UROC1: variants seen among roughly 807,000 people sequenced by gnomAD.
The protein encoded by UROC1 is urocanate hydratase.
In UROC1, 79 loss-of-function variants were observed where a neutral mutation model predicts 89.5. That is an observed-to-expected ratio of 0.88 (90% confidence interval 0.74 to 1.06). The LOEUF is 1.06. Ranked by LOEUF, UROC1 falls within the 50% of genes least tolerant of loss-of-function variation. The pLI, the probability that UROC1 is intolerant of heterozygous loss-of-function variation, is 0.00. For missense variants in UROC1, 885 were observed against 907.8 expected (o/e 0.97, Z 0.32); for synonymous variants, 361 against 354.8 (o/e 1.02, Z -0.20).
Position 126,504,022 on chromosome 3 carries a change from C to G in UROC1, c.875G>C (p.Ser292Thr). 6.2e-7 allele frequency: 1 copy of G among 1,614,156 alleles called. No individual in the cohort carries two copies. The highest frequency in any genetic ancestry group is 1.3e-5 in the African/African-American group (1 of 75,052). Residue 292 changes from serine (S) to threonine (T), a missense_variant, in exon 9 of 20, where the codon AGC becomes ACC. By Grantham distance (58) the Ser-to-Thr change is moderately conservative. Coordinates refer to ENST00000290868, the MANE Select transcript of UROC1 (RefSeq NM_144639.3). ...GAGCCTCTGGATGCAGCGGTCCAAG[C>G]TGTCAGTCACTTCCATCAGCCAGCC... ...RQGWLMEVTD[S>T]LDRCIQRLRE...
intron 9 of UROC1, among the ~76,000 whole-genome samples, chr3:126,503,668 G>T (rs1487878427): frequency 6.6e-6 from 1 of 152,246 alleles, no homozygotes; most frequent in Non-Finnish European, 1.5e-5. Flanking sequence ...TAAGAGCATG[G>T]GAGCCCCAAG....
In UROC1 at chr3:126,499,425, G is replaced by A. The variant is rs764338567; in HGVS notation, c.1244-16C>T. 37 of 1,607,156 alleles carry A rather than the reference G, an allele frequency of 2.3e-5. No individual in the cohort carries two copies. In the African/African-American group the frequency reaches 2.4e-4, roughly 10 times the overall value. On this transcript the variant is annotated splice_polypyrimidine_tract_variant and intron_variant, in intron 12 of 19. Coordinates refer to ENST00000290868, the MANE Select transcript of UROC1 (RefSeq NM_144639.3). Reference sequence around the variant, plus strand: ...ACATCCGCTCCTGTGGGCAGAGCCCGGACAGTCACCACCCAAGGCAGGACA... The same window carrying A: ...ACATCCGCTCCTGTGGGCAGAGCCCAGACAGTCACCACCCAAGGCAGGACA...
intron 15 of UROC1, among the ~76,000 whole-genome samples, chr3:126,494,218 C>T (rs1161826875): frequency 1.3e-5 from 2 of 152,184 alleles, no homozygotes. Flanking sequence ...GAGAAAGCAA[C>T]AGTAAGTATC....
intron 6 of UROC1, among the ~76,000 whole-genome samples, chr3:126,506,572 C>G (rs1038343331): frequency 6.6e-6 from 1 of 152,206 alleles, no homozygotes; most frequent in Admixed American, 6.5e-5. Flanking sequence ...TACATGAGAT[C>G]TGCTTCCTGA....
At chr3:126,491,586 G>C (rs1190049844) in intron 16 of UROC1, among the ~76,000 whole-genome samples, 1 of 152,218 alleles carries the variant, frequency 6.6e-6, no homozygotes. Context: ...AATCATGCCA[G>C]GGCAGTCTTC....
At chr3:126,500,992 C>T (rs562711549) in intron 10 of UROC1, 118 bp from the exon 11 acceptor site, 13 of 1,426,232 alleles carry the variant, frequency 9.1e-6, no homozygotes, top group Middle Eastern at 2.4e-4. Flanking sequence ...AGGCACAGCC[C>T]GAGCCAGACC....
intron 9 of UROC1, among the ~76,000 whole-genome samples, chr3:126,502,279 G>A (rs891523633): frequency 2.4e-5 from 3 of 125,688 alleles, no homozygotes; most frequent in African/African-American, 5.8e-5. Context: ...GTGTGTTTAT[G>A]TGTTTGTGTG....
At position 126,500,264 on chromosome 3, in the gene UROC1, C is replaced by T. The variant is rs866639700; in HGVS notation, c.1146-110G>A. 9.4e-5 allele frequency: 100 copies of T among 1,062,068 alleles called. No homozygotes were observed. In the African/African-American group the frequency reaches 1.2e-3, roughly 13 times the overall value. 65.8% of individuals were successfully genotyped at this position (1,062,068 alleles called of 1,614,324 possible). A position where few individuals can be genotyped will look rare whatever the true frequency, so the allele number is the denominator to read the frequency against. On this transcript the variant is annotated intron_variant, in intron 11 of 19. Transcript: ENST00000290868. ...CCCCACCAACTTCCAGCCCCACTGC[C>T]TGGACTGCTCCTGCTCCTCGGGTCG...
In UROC1 at chr3:126,505,079, G is replaced by A. The variant is rs149102553; in HGVS notation, c.813+622C>T. Among the ~76,000 whole-genome samples the A allele has an allele frequency of 4.3e-3, 653 of 152,224 alleles. 5 individuals are homozygous for A. Among genetic ancestry groups the A allele is most frequent in the Non-Finnish European group, 5.7e-3 (386 of 68,018 alleles). On this transcript the variant is annotated intron_variant, in intron 8 of 19. Transcript: ENST00000290868. ...CCCTGCTCTCCCTCTCTCACCGTGTGACCCACCAGACCCCCTTCACCTTCC... is the reference window on the plus strand; with the variant it reads ...CCCTGCTCTCCCTCTCTCACCGTGTAACCCACCAGACCCCCTTCACCTTCC...
chr3:126,514,308 G>C (rs1304850409), intron 1 of UROC1, among the ~76,000 whole-genome samples: 1 of 152,240 alleles, frequency 6.6e-6, no homozygotes, highest in Non-Finnish European at 1.5e-5. Context: ...TTGGATGCCT[G>C]GCACAGGCGC....
At position 126,481,925 on chromosome 3, in the gene UROC1, A is replaced by G; in HGVS notation, c.*420T>C. 1 of 252,566 alleles carries G rather than the reference A, an allele frequency of 4.0e-6. No homozygotes were observed. Among genetic ancestry groups the G allele is most frequent in the South Asian group, 4.9e-5 (1 of 20,340 alleles). The allele number at this position is 252,566 out of a possible 1,614,324, so 15.6% of individuals were successfully genotyped here. ...CTCCAGGCCAGCAGCCCAGGGTGCC[A>G]GGGTCCAGAAGTTGCTTGCACAGAC... On this transcript the variant is annotated 3_prime_UTR_variant, in exon 20 of 20. Transcript: ENST00000290868.
chr3:126,507,909 G>A lies in UROC1; in HGVS notation c.540+58C>T, dbSNP rs577256568. The A allele has an allele frequency of 7.5e-5, 121 of 1,613,120 alleles. 1 individual carries two copies. Among genetic ancestry groups the A allele is most frequent in the Admixed American group, 4.3e-4 (26 of 59,988 alleles). On this transcript the variant is annotated intron_variant, in intron 5 of 19. Transcript: ENST00000290868. ...TGGGGCACTGGGCTTTCTTTCCAGC[G>A]TCTGCACCCTCTCTTTGGAGCCCTG...
chr3:126,500,637 A>C, intron 11 of UROC1, 58 bp downstream of exon 11: 1 of 1,608,222 alleles, frequency 6.2e-7, no homozygotes, highest in Admixed American at 1.7e-5. Context: ...TGGCCAGAGC[A>C]GGACAAGGTG....
chr3:126,507,750 C>T lies in UROC1; in HGVS notation c.594G>A (p.Gly198=), dbSNP rs756587775. The T allele has an allele frequency of 3.1e-6, 5 of 1,614,146 alleles. No homozygotes were observed. In the East Asian group the frequency reaches 1.1e-4, roughly 36 times the overall value. The change falls in exon 6 of 20, where the codon GGG becomes GGA. Residue 198 remains glycine (G), a synonymous_variant. Coordinates refer to ENST00000290868, the MANE Select transcript of UROC1 (RefSeq NM_144639.3). ...CTGAAATAGTGACTTACATTGTAAC[C>T]CCCAAGGCAAAGAGCTTCTCATACT... The part of the protein sequence containing the change: ...RTEYEKLFAL[G]VTMYGQMTAG...
At chr3:126,489,144 G>A (rs1935586026) in intron 17 of UROC1, 132 bp downstream of exon 17, 2 of 841,926 alleles carry the variant, frequency 2.4e-6, no homozygotes, top group Admixed American at 1.8e-5. Context: ...CCTCAGTCCT[G>A]GGTTGGTCAC....
intron 10 of UROC1, 55 bp from the exon 11 acceptor site, chr3:126,500,929 C>T: frequency 6.2e-7 from 1 of 1,602,866 alleles, no homozygotes; most frequent in South Asian, 1.1e-5. Context: ...GGCCCAGAGT[C>T]TGGGGCCAGC....
chr3:126,500,561 G>T, intron 11 of UROC1, 134 bp downstream of exon 11: 2 of 1,069,378 alleles, frequency 1.9e-6, no homozygotes, highest in Non-Finnish European at 2.9e-6. Flanking sequence ...ATGGGTGGAG[G>T]CAGAGGCTCA....
In UROC1 at chr3:126,482,107, T is replaced by C. The variant is rs1935401888; in HGVS notation, c.*238A>G. On this transcript the variant is annotated 3_prime_UTR_variant, in exon 20 of 20. Transcript: ENST00000290868. Reference sequence around the variant, plus strand: ...TGGCCCTAAATGGACTTTGACAGCCTTCAGGGCTCCCATGCAAGTGGCATG... The same window carrying C: ...TGGCCCTAAATGGACTTTGACAGCCCTCAGGGCTCCCATGCAAGTGGCATG... 3.3e-6 allele frequency: 2 copies of C among 606,922 alleles called. No homozygotes were observed. The highest frequency in any genetic ancestry group is 4.0e-5 in the South Asian group (2 of 49,896). 37.6% of individuals were successfully genotyped at this position (606,922 alleles called of 1,614,324 possible).
At position 126,490,777 on chromosome 3, in the gene UROC1, C is replaced by T. The variant is rs547754376; in HGVS notation, c.1609-1402G>A. On this transcript the variant is annotated intron_variant, in intron 16 of 19. Coordinates refer to ENST00000290868, the MANE Select transcript of UROC1 (RefSeq NM_144639.3). ...AAAGAGAAGGAGTAGGGGGAGCCGT[C>T]GGACACTGCACAGGGAGCATGTCAG... 5.3e-5 allele frequency among the ~76,000 whole-genome samples: 8 copies of T among 152,222 alleles called. No individual in the cohort carries two copies. The East Asian group carries it at 5.8e-4, about 11-fold the overall frequency.
Sources: gnomAD v4.1 joint callset for allele counts (sites outside exome capture counted in the v4.1 genomes callset) on GRCh38, gnomAD v4.1.1 for gene constraint, MANE v1.5 for transcripts, NCBI Gene and HGNC (gene_info 2026-07-23, HGNC 2026-07-21) for gene names.